NUP210L: variants seen among roughly 807,000 people sequenced by gnomAD.
The protein encoded by NUP210L is nuclear pore membrane glycoprotein 210-like.
NUP210L carries 74 observed loss-of-function variants against 208.5 expected under a neutral mutation model. That is an observed-to-expected ratio of 0.35 (90% CI 0.29 to 0.43). The LOEUF (loss-of-function observed/expected upper bound fraction) is 0.43, where lower values mean the gene tolerates loss of function less well. Ranked by LOEUF, NUP210L falls within the 20% of genes least tolerant of loss-of-function variation. The pLI is 1.00. For synonymous variants in NUP210L, 780 were observed against 816.9 expected (o/e 0.95, Z 0.77); for missense variants, 1,843 against 2,289.4 (o/e 0.81, Z 3.98).
chr1:154,025,533 T>C lies in NUP210L; in HGVS notation c.4122+9A>G, dbSNP rs770962562. 4.4e-6 allele frequency: 7 copies of C among 1,579,960 alleles called. No homozygotes were observed. In the South Asian group the frequency reaches 6.9e-5, roughly 16 times the overall value. ...TTATTTGTTTTTTTTAGTAAGTCCA[T>C]GAACTCACCTGGACCCCAGTTATGG... On this transcript the variant is annotated intron_variant, in intron 30 of 39. Transcript: ENST00000368559.
At chr1:153,995,958 TA>T in intron 37 of NUP210L, 1 of 441,634 alleles carries the variant, frequency 2.3e-6, no homozygotes, top group South Asian at 1.7e-5. Flanking sequence ...GTCAGCTAAA[TA>T]AAAAATGAAA....
At chr1:154,127,479 A>T in intron 8 of NUP210L, 62 bp from the exon 9 acceptor site, 1 of 774,866 alleles carries the variant, frequency 1.3e-6, no homozygotes, top group Non-Finnish European at 2.1e-6. Context: ...CAACGAATTT[A>T]AAAATACAAC....
intron 13 of NUP210L, among the ~76,000 whole-genome samples, chr1:154,101,501 T>C (rs1248367881): frequency 2.0e-5 from 3 of 152,044 alleles, no homozygotes; most frequent in African/African-American, 7.2e-5. Context: ...ACAAAACCCA[T>C]CTTGATCTCT....
In NUP210L at chr1:154,094,916, T is replaced by C. The variant is rs762203131; in HGVS notation, c.2187+19A>G. 3.1e-6 allele frequency: 5 copies of C among 1,588,150 alleles called. No homozygotes were observed. Among genetic ancestry groups the C allele is most frequent in the Admixed American group, 3.3e-5 (2 of 59,792 alleles). ...GAGTATTACACTAAAGAAAATGTTA[T>C]AAAAAACTGTTTTCCTACTTGTTCC... is the stretch of plus-strand genomic sequence containing the variant. On this transcript the variant is annotated intron_variant, in intron 15 of 39. Transcript: ENST00000368559.
At chr1:154,057,042 G>A in intron 22 of NUP210L, 95 bp from the exon 23 acceptor site, 8 of 1,235,412 alleles carry the variant, frequency 6.5e-6, no homozygotes, top group Non-Finnish European at 8.0e-6. Context: ...GCAGTGGCAT[G>A]ATCTCAGCTC....
intron 10 of NUP210L, among the ~76,000 whole-genome samples, chr1:154,120,264 G>C (rs1657545835): frequency 6.6e-6 from 1 of 151,978 alleles, no homozygotes; most frequent in African/African-American, 2.4e-5. Context: ...AAATTTGTTT[G>C]AGTTCTTTGT....
chr1:154,025,657 A>C, exon 30 of NUP210L: 1 of 1,613,932 alleles, frequency 6.2e-7, no homozygotes, highest in Non-Finnish European at 8.5e-7. Flanking sequence ...ATCCTCCTCA[A>C]TGACGGATGA....
At position 154,046,323 on chromosome 1, in the gene NUP210L, A is replaced by C. The variant is rs775878057; in HGVS notation, c.3530T>G (p.Leu1177Arg). The change falls in exon 26 of 40, where the codon CTT becomes CGT. Residue 1177 changes from leucine (L) to arginine (R), a missense_variant. Transcript: ENST00000368559. ...TGTGATGAGCCGAGTTGCAGCTGCAAGGATCCTAACAGCCCTTAGCTGAAC... is the reference window on the plus strand; with the variant it reads ...TGTGATGAGCCGAGTTGCAGCTGCACGGATCCTAACAGCCCTTAGCTGAAC... The C allele has an allele frequency of 1.2e-6, 2 of 1,614,196 alleles. No individual in the cohort carries two copies. Among genetic ancestry groups the C allele is most frequent in the Non-Finnish European group, 1.7e-6 (2 of 1,180,012 alleles).
intron 27 of NUP210L, among the ~76,000 whole-genome samples, chr1:154,041,879 C>T (rs533503895): frequency 8.5e-5 from 13 of 152,264 alleles, no homozygotes; most frequent in Non-Finnish European, 1.3e-4. Flanking sequence ...TCTAGAATTA[C>T]GACAAAGTCC....
At chr1:154,080,265 C>A (rs1273109145) in intron 16 of NUP210L, among the ~76,000 whole-genome samples, 1 of 151,632 alleles carries the variant, frequency 6.6e-6, no homozygotes, top group Non-Finnish European at 1.5e-5. Flanking sequence ...GAGGCTGAGG[C>A]AGGACAATCG....
At chr1:154,135,955 C>G (rs771871812) in exon 7 of NUP210L, 6 of 1,604,890 alleles carry the variant, frequency 3.7e-6, no homozygotes, top group Non-Finnish European at 5.1e-6. Context: ...ATATAATGTT[C>G]CAGGGGAAAT....
At chr1:154,098,041 G>A (rs566003073) in intron 14 of NUP210L, among the ~76,000 whole-genome samples, 1 of 152,318 alleles carries the variant, frequency 6.6e-6, no homozygotes, top group Non-Finnish European at 1.5e-5. Flanking sequence ...AGTGGCAACA[G>A]GTGTGTGAGT....
At chr1:154,148,002 G>A (rs1198123423) in intron 2 of NUP210L, among the ~76,000 whole-genome samples, 1 of 142,590 alleles carries the variant, frequency 7.0e-6, no homozygotes, top group African/African-American at 2.6e-5. Flanking sequence ...GCTCACACCT[G>A]TAATCCCAGC....
At chr1:154,139,716 T>G (rs1571320770) in intron 5 of NUP210L, 86 bp downstream of exon 5, 2 of 960,458 alleles carry the variant, frequency 2.1e-6, no homozygotes, top group Non-Finnish European at 1.6e-6. Context: ...GGGCGGGTAG[T>G]GCATTCTTGT....
In NUP210L at chr1:154,068,553, G is replaced by A. The variant is rs1421170697; in HGVS notation, c.2554+1720C>T. Among the ~76,000 whole-genome samples, 57 of 152,136 alleles carry A rather than the reference G, an allele frequency of 3.7e-4. 1 individual carries two copies. Among genetic ancestry groups the A allele is most frequent in the African/African-American group, 1.3e-3 (54 of 41,508 alleles). ...AAATTAGCTGGGTGTGGTGGTGGGC[G>A]CCTGTAGTCCCAGCTACTCGGGAGG... On this transcript the variant is annotated intron_variant, in intron 17 of 39. Transcript: ENST00000368559.
intron 25 of NUP210L, among the ~76,000 whole-genome samples, chr1:154,049,776 G>T (rs1358142267): frequency 1.3e-5 from 2 of 152,112 alleles, no homozygotes; most frequent in Non-Finnish European, 2.9e-5. Context: ...CCAAAAAACT[G>T]GCCTTTAATG....
chr1:154,077,334 C>A (rs1427044059), intron 16 of NUP210L, among the ~76,000 whole-genome samples: 1 of 151,862 alleles, frequency 6.6e-6, no homozygotes, highest in Non-Finnish European at 1.5e-5. Context: ...CGAGATCATT[C>A]CAGCCTGGGT....
intron 16 of NUP210L, among the ~76,000 whole-genome samples, chr1:154,072,886 A>C (rs1417799805): frequency 1.3e-5 from 2 of 152,224 alleles, no homozygotes; most frequent in African/African-American, 4.8e-5. Flanking sequence ...TCAAGAACCC[A>C]AAAGCAAATG....
chr1:154,113,165 A>ATAT (rs34236591), intron 12 of NUP210L, among the ~76,000 whole-genome samples: 24,305 of 126,066 alleles, frequency 0.19, 2,465 homozygotes, highest in East Asian at 0.33. Flanking sequence ...CTTAAAAAAA[A>ATAT]AAATATATAT....
Sources: allele counts gnomAD v4.1 joint callset (sites outside exome capture counted in the v4.1 genomes callset), GRCh38; gene constraint gnomAD v4.1.1; transcripts MANE v1.5; gene names NCBI Gene and HGNC (gene_info 2026-07-23, HGNC 2026-07-21).